The following FOXP3 variants were observed in gnomAD, a reference collection of about 807,000 sequenced individuals.
The protein encoded by FOXP3 is forkhead box protein P3.
In FOXP3, 5 loss-of-function variants were observed where a neutral mutation model predicts 31.2. The observed-to-expected ratio is 0.16, with a 90% CI of 0.08 to 0.34. The LOEUF is 0.34. Among genes scored for constraint, FOXP3 ranks in the 10% least tolerant of loss-of-function variants. The pLI is 1.00. For missense variants in FOXP3, 251 were observed against 363.0 expected, an observed-to-expected ratio of 0.69 and a Z score of 2.51; for synonymous variants, 141 against 148.8, an observed-to-expected ratio of 0.95 and a Z score of 0.38.
intron 1 of FOXP3, among the ~76,000 whole-genome samples, chrX:49,262,808 C>T (rs1279390498): frequency 1.8e-5 from 2 of 111,330 alleles, no homozygotes; most frequent in Non-Finnish European, 3.8e-5. Flanking sequence ...AGTCTGGCTC[C>T]AGTACCCACA....
rs2232364 is a variant in FOXP3 at position 49,259,888 on chromosome X, G to A, written c.-22-1361C>T. On this transcript the variant is annotated intron_variant, in intron 1 of 11. Transcript: ENST00000376207. ...TGTGTGTGTGTGTCTCCATCTCCCC[G>A]TTCCACCTCACAGCACTGAGTTGGG... is the stretch of plus-strand genomic sequence containing the variant. 5.6e-3 allele frequency among the ~76,000 whole-genome samples: 628 copies of A among 111,413 alleles called. 3 individuals are homozygous for A. Among genetic ancestry groups the A allele is most frequent in the African/African-American group, 0.02 (610 of 30,570 alleles).
In FOXP3 at chrX:49,251,274, A is replaced by G; in HGVS notation, c.*60T>C. ...AGGGCCTATCATCCCTGCCCCCACC[A>G]CCTCTGCCTCCCACCAGTTTGGCCC... On this transcript the variant is annotated 3_prime_UTR_variant, in exon 12 of 12. Transcript: ENST00000376207. 1 of 1,162,898 alleles carries G rather than the reference A, an allele frequency of 8.6e-7. No homozygotes were observed. Among genetic ancestry groups the G allele is most frequent in the Admixed American group, 2.3e-5 (1 of 42,835 alleles).
Position 49,251,069 on chromosome X carries a change from G to C in FOXP3, c.*265C>G, listed in dbSNP as rs1342376073. On this transcript the variant is annotated 3_prime_UTR_variant, in exon 12 of 12. Transcript: ENST00000376207. ...GTTGTGAAGGCTCTGTTTGGCTGCAGGGCTCGACTGGGGGGTGTGTCTGGG... is the reference window on the plus strand; with the variant it reads ...GTTGTGAAGGCTCTGTTTGGCTGCACGGCTCGACTGGGGGGTGTGTCTGGG... The C allele has an allele frequency of 2.4e-6, 1 of 416,209 alleles. No individual in the cohort carries two copies. 34.3% of individuals were successfully genotyped at this position (416,209 alleles called of 1,213,427 possible).
At chrX:49,261,619 C>T (rs192616484) in intron 1 of FOXP3, among the ~76,000 whole-genome samples, 58 of 112,543 alleles carry the variant, frequency 5.2e-4, no homozygotes, top group Non-Finnish European at 9.6e-4. Flanking sequence ...CTATGGAGTC[C>T]GGGGCCTCAC....
chrX:49,261,896 T>C (rs2066112585), intron 1 of FOXP3, among the ~76,000 whole-genome samples: 1 of 111,933 alleles, frequency 8.9e-6, no homozygotes, highest in African/African-American at 3.2e-5. Flanking sequence ...TGGTCTTCAA[T>C]TTGCCCTTCT....
Position 49,251,144 on chromosome X carries a change from G to T in FOXP3, c.*190C>A. On this transcript the variant is annotated 3_prime_UTR_variant, in exon 12 of 12. Coordinates refer to ENST00000376207, the MANE Select transcript of FOXP3 (RefSeq NM_014009.4). Reference sequence around the variant, plus strand: ...ACCGGGGCCCCTCTGAGCAGCCTTGGGGCAAAGGATATGATGGGGGAGGGG... The same window carrying T: ...ACCGGGGCCCCTCTGAGCAGCCTTGTGGCAAAGGATATGATGGGGGAGGGG... 1 of 567,731 alleles carries T rather than the reference G, an allele frequency of 1.8e-6. No homozygotes were observed. Among genetic ancestry groups the T allele is most frequent in the Non-Finnish European group, 2.8e-6 (1 of 356,533 alleles). The allele number at this position is 567,731 out of a possible 1,213,427, so 46.8% of individuals were successfully genotyped here.
Position 49,263,513 on chromosome X carries a change from T to TC in FOXP3, c.-23+1147dup, listed in dbSNP as rs782155215. 3.4e-4 allele frequency among the ~76,000 whole-genome samples: 38 copies of TC among 112,278 alleles called. No homozygotes were observed. The South Asian group carries it at 0.013, about 39-fold the overall frequency. ...AACAATCGGCACTTGGTCAAATCAA[T>TC]CAAAGTTCATGCTGATGTGAGGACA... On this transcript the variant is annotated intron_variant, in intron 1 of 11. Coordinates refer to ENST00000376207, the MANE Select transcript of FOXP3 (RefSeq NM_014009.4).
intron 9 of FOXP3, among the ~76,000 whole-genome samples, 180 bp from the exon 10 acceptor site, chrX:49,253,382 C>T (rs1347348047): frequency 4.4e-5 from 5 of 112,554 alleles, no homozygotes; most frequent in Admixed American, 1.9e-4. Context: ...CTTTGCACCA[C>T]TTCTGCCAAA....
chrX:49,259,386 C>A, intron 1 of FOXP3: 1 of 481,617 alleles, frequency 2.1e-6, no homozygotes, highest in Non-Finnish European at 3.7e-6. Context: ...GGAGTGTGAT[C>A]ATGCACGGAT....
At chrX:49,254,097 G>C in intron 8 of FOXP3, 30 bp from the exon 9 acceptor site, 1 of 1,200,235 alleles carries the variant, frequency 8.3e-7, no homozygotes, top group Non-Finnish European at 1.1e-6. Context: ...TGGTGACCCA[G>C]AGGCTTAAAC....
intron 1 of FOXP3, among the ~76,000 whole-genome samples, chrX:49,263,808 C>A (rs1266974539): frequency 9.0e-6 from 1 of 111,233 alleles, no homozygotes; most frequent in Non-Finnish European, 1.9e-5. Flanking sequence ...TGGGGTAGGT[C>A]CACACAGCTA....
At chrX:49,255,674 G>A (rs146499664) in intron 7 of FOXP3, 41 bp downstream of exon 7, 16 of 1,166,788 alleles carry the variant, frequency 1.4e-5, no homozygotes, top group East Asian at 1.2e-4. Flanking sequence ...AAGGTTTTGC[G>A]CACTATCCCT....
rs76798919 is a variant in FOXP3 at position 49,255,523 on chromosome X, C to T, written c.736-14G>A. 5.3e-5 allele frequency: 63 copies of T among 1,185,829 alleles called. No individual in the cohort carries two copies. In the East Asian group the frequency reaches 1.7e-3, roughly 31 times the overall value. ...CTCCAGCACCAGCTGTGAAATGGCA[C>T]AAACATGAGGCCTCAGCCTGGCCCT... On this transcript the variant is annotated splice_polypyrimidine_tract_variant and intron_variant, in intron 7 of 11. Transcript: ENST00000376207.
intron 1 of FOXP3, chrX:49,259,272 G>A (rs2066096096): frequency 1.9e-6 from 1 of 522,900 alleles, no homozygotes; most frequent in Non-Finnish European, 3.5e-6. Flanking sequence ...CAAAAGTGCA[G>A]GTGTAGATAG....
At position 49,250,642 on chromosome X, in the gene FOXP3, G is replaced by A. The variant is rs782269433; in HGVS notation, c.*692C>T. On this transcript the variant is annotated 3_prime_UTR_variant, in exon 12 of 12. Transcript: ENST00000376207. ...GTGTGTGTCTGCACGGGACTCAAGA[G>A]ACCCACTGGGGGGCTGTGCGTGTGC... 51 of 298,661 alleles carry A rather than the reference G, an allele frequency of 1.7e-4. No individual in the cohort carries two copies. The highest frequency in any genetic ancestry group is 1.6e-3 in the South Asian group (48 of 29,296). 24.6% of individuals were successfully genotyped at this position (298,661 alleles called of 1,213,427 possible).
chrX:49,254,105 A>G, intron 8 of FOXP3, 38 bp from the exon 9 acceptor site: 1 of 1,184,519 alleles, frequency 8.4e-7, no homozygotes. Flanking sequence ...CAGAGGCTTA[A>G]ACTTCCCACT....
intron 1 of FOXP3, chrX:49,259,186 T>G: frequency 1.9e-6 from 1 of 525,304 alleles, no homozygotes; most frequent in Non-Finnish European, 3.5e-6. Flanking sequence ...GTGACATGGG[T>G]TTTAGCTTGA....
rs148215677 is a variant in FOXP3, at chrX:49,256,774, G to A, written c.624C>T (p.Phe208=). ...ACTTGAGGAAGTCCTCTGGCTCTTC[G>A]AAGACCTTCTCACATCCGGGCCACT... The part of the protein sequence containing the change: ...VCKWPGCEKV[F]EEPEDFLKHC... Residue 208 remains phenylalanine (F), a synonymous_variant, in exon 6 of 12, where the codon TTC becomes TTT. Transcript: ENST00000376207. 2.5e-5 allele frequency: 30 copies of A among 1,210,536 alleles called. No homozygotes were observed. Among genetic ancestry groups the A allele is most frequent in the African/African-American group, 2.3e-4 (13 of 57,393 alleles).
At chrX:49,254,211 A>C (rs1327066052) in intron 8 of FOXP3, 144 bp from the exon 9 acceptor site, 2 of 675,123 alleles carry the variant, frequency 3.0e-6, no homozygotes, top group African/African-American at 4.5e-5. Flanking sequence ...GGCTCACTGC[A>C]ACCCCCACCT....
Sources: allele counts gnomAD v4.1 joint callset (sites outside exome capture counted in the v4.1 genomes callset), GRCh38; gene constraint gnomAD v4.1.1; transcripts MANE v1.5; gene names NCBI Gene and HGNC (gene_info 2026-07-23, HGNC 2026-07-21).